The following PI4KA variants were observed in gnomAD, a reference collection of about 807,000 sequenced individuals.
PI4KA encodes the protein PI4-kinase alpha.
In PI4KA, 122 loss-of-function variants were observed where a neutral mutation model predicts 271.4. The observed-to-expected ratio is 0.45, with a 90% CI of 0.39 to 0.52. The LOEUF (loss-of-function observed/expected upper bound fraction) is 0.52, where lower values mean the gene tolerates loss of function less well. PI4KA is among the 20% of genes least tolerant of loss of function. PI4KA has a pLI of 0.00. For missense variants in PI4KA, 1,969 were observed against 2,769.1 expected (o/e 0.71, Z 6.48); for synonymous variants, 1,041 against 1,078.8 (o/e 0.96, Z 0.69).
chr22:20,756,630 TA>T (rs113722637), intron 23 of PI4KA, among the ~76,000 whole-genome samples: 210 of 143,252 alleles, frequency 1.5e-3, no homozygotes, highest in African/African-American at 5.8e-3. Context: ...CTAAGGAGAT[TA>T]AAAAAAATTT....
chr22:20,762,568 G>A (rs765096575), intron 22 of PI4KA, among the ~76,000 whole-genome samples: 75 of 152,152 alleles, frequency 4.9e-4, no homozygotes, highest in Non-Finnish European at 1.8e-4. Flanking sequence ...AAACTACTCA[G>A]GGGCATACTC....
intron 27 of PI4KA, among the ~76,000 whole-genome samples, chr22:20,750,455 C>G (rs1481399136): frequency 6.6e-6 from 1 of 152,218 alleles, no homozygotes; most frequent in African/African-American, 2.4e-5. Flanking sequence ...TTGTCTTTTG[C>G]TACAGAAGCC....
chr22:20,753,448 C>T (rs1449835342), intron 23 of PI4KA, among the ~76,000 whole-genome samples: 3 of 152,184 alleles, frequency 2.0e-5, no homozygotes, highest in South Asian at 2.1e-4. Context: ...ACACATGCCC[C>T]GCTTCTGTTC....
chr22:20,744,605 G>C (rs1334540293), intron 30 of PI4KA, 23 bp downstream of exon 30: 1 of 1,588,668 alleles, frequency 6.3e-7, no homozygotes, highest in South Asian at 1.1e-5. Flanking sequence ...AAAGGCCCTA[G>C]GGCGCAAGGA....
chr22:20,763,019 G>T (rs28401408), intron 22 of PI4KA, among the ~76,000 whole-genome samples: 13 of 76,738 alleles, frequency 1.7e-4, no homozygotes, highest in East Asian at 5.2e-4. Context: ...TTTTTTTTTG[G>T]GGGGGGGGGG....
intron 43 of PI4KA, among the ~76,000 whole-genome samples, chr22:20,720,656 T>C (rs1926628621): frequency 6.6e-6 from 1 of 152,094 alleles, no homozygotes; most frequent in Non-Finnish European, 1.5e-5. Flanking sequence ...TCAACTACAT[T>C]CACTTCAACT....
chr22:20,766,526 G>A (rs890150779), intron 19 of PI4KA, among the ~76,000 whole-genome samples: 3 of 152,294 alleles, frequency 2.0e-5, no homozygotes, highest in Admixed American at 6.5e-5. Context: ...TTAGCTGGGC[G>A]TGGTGGCAGG....
At chr22:20,755,487 G>A (rs1293721084) in intron 23 of PI4KA, among the ~76,000 whole-genome samples, 1 of 152,156 alleles carries the variant, frequency 6.6e-6, no homozygotes, top group East Asian at 1.9e-4. Context: ...TGTTACAGAG[G>A]TGCCAAGTAG....
Position 20,771,911 on chromosome 22 carries a change from T to C in PI4KA, c.2329-6218A>G, listed in dbSNP as rs559648547. The stretch of plus-strand genomic sequence containing the variant: ...CTGGCTTTAAAAATAACAAAAGTAA[T>C]ACATACACATAGAAAAAGGTCAAAC... On this transcript the variant is annotated intron_variant, in intron 19 of 54. Coordinates refer to ENST00000255882, the MANE Select transcript of PI4KA (RefSeq NM_058004.4). Among the ~76,000 whole-genome samples, 5 of 152,160 alleles carry C rather than the reference T, an allele frequency of 3.3e-5. No individual in the cohort carries two copies. In the East Asian group the frequency reaches 9.7e-4, roughly 29 times the overall value.
chr22:20,834,343 A>G (rs1285156013), intron 3 of PI4KA, among the ~76,000 whole-genome samples: 3 of 152,178 alleles, frequency 2.0e-5, no homozygotes, highest in Non-Finnish European at 4.4e-5. Flanking sequence ...AATGCAATGG[A>G]AAGCTGGCCT....
intron 42 of PI4KA, among the ~76,000 whole-genome samples, chr22:20,724,311 A>C (rs1379005405): frequency 6.6e-6 from 1 of 151,596 alleles, no homozygotes; most frequent in Non-Finnish European, 1.5e-5. Context: ...GTCTAAAAAA[A>C]AAAAAAAATT....
intron 42 of PI4KA, chr22:20,725,529 A>G: frequency 2.2e-6 from 1 of 450,914 alleles, no homozygotes; most frequent in Non-Finnish European, 4.5e-6. Flanking sequence ...AGGTGTTCTT[A>G]TAAGGGGAGA....
At chr22:20,808,381 C>G (rs1935790397) in intron 9 of PI4KA, among the ~76,000 whole-genome samples, 1 of 151,210 alleles carries the variant, frequency 6.6e-6, no homozygotes, top group Admixed American at 6.6e-5. Flanking sequence ...ATCAGGAGTT[C>G]AGGAGTTCAA....
intron 36 of PI4KA, among the ~76,000 whole-genome samples, chr22:20,730,890 G>A (rs561192627): frequency 1.9e-4 from 29 of 151,644 alleles, no homozygotes; most frequent in African/African-American, 7.0e-4. Flanking sequence ...CTTTAAAATA[G>A]AATAGGCTGA....
chr22:20,749,207 C>T (rs149536633), intron 28 of PI4KA, among the ~76,000 whole-genome samples: 4 of 152,316 alleles, frequency 2.6e-5, no homozygotes, highest in Non-Finnish European at 1.5e-5. Flanking sequence ...TCTATCCTTC[C>T]TGGACTCCAC....
chr22:20,802,132 C>T (rs375263777), intron 13 of PI4KA, 27 bp from the exon 14 acceptor site: 637 of 1,598,756 alleles, frequency 4.0e-4, no homozygotes, highest in Non-Finnish European at 5.2e-4. Context: ...CAAATATATA[C>T]CTAGTTAGGC....
intron 19 of PI4KA, among the ~76,000 whole-genome samples, chr22:20,792,262 T>A (rs1010784508): frequency 1.3e-5 from 2 of 152,028 alleles, no homozygotes; most frequent in African/African-American, 4.8e-5. Flanking sequence ...AGTCCCCAGG[T>A]TGGGAATAAT....
chr22:20,843,477 G>A (rs1445774880), intron 1 of PI4KA, among the ~76,000 whole-genome samples: 1 of 152,072 alleles, frequency 6.6e-6, no homozygotes, highest in Non-Finnish European at 1.5e-5. Context: ...CTCCAGCTTG[G>A]GTGGCAAAGC....
rs201368628 is a variant in PI4KA, at chr22:20,796,101, G to A, written c.2277+45C>T. ...CCTGAAGACTAAGCCTTGGCCAGCA[G>A]GGATAGGACACTGATGGGGAAGGCA... On this transcript the variant is annotated intron_variant, in intron 18 of 54. Coordinates refer to ENST00000255882, the MANE Select transcript of PI4KA (RefSeq NM_058004.4). 2.2e-5 allele frequency: 35 copies of A among 1,567,924 alleles called. No homozygotes were observed. The Admixed American group carries it at 5.1e-4, about 23-fold the overall frequency.
Sources: gnomAD v4.1 joint callset for allele counts (sites outside exome capture counted in the v4.1 genomes callset) on GRCh38, gnomAD v4.1.1 for gene constraint, MANE v1.5 for transcripts, NCBI Gene and HGNC (gene_info 2026-07-23, HGNC 2026-07-21) for gene names.